Variants in BCHE observed in about 807,000 individuals in gnomAD.
BCHE encodes the protein butyrylcholinesterase, also known as cholinesterase.
A neutral mutation model predicts 51.3 loss-of-function variants in BCHE; 48 were observed. That is an observed-to-expected ratio of 0.94 (90% CI 0.74 to 1.19). The LOEUF (loss-of-function observed/expected upper bound fraction) is 1.19. BCHE is among the 50% of genes most tolerant of loss of function. BCHE has a pLI of 0.00. For synonymous variants in BCHE, 251 were observed against 238.0 expected (o/e 1.05, Z -0.50); for missense variants, 847 against 708.2 (o/e 1.20, Z -2.23).
At chr3:165,824,760 A>G (rs888869881) in intron 2 of BCHE, among the ~76,000 whole-genome samples, 1 of 152,014 alleles carries the variant, frequency 6.6e-6, no homozygotes. Flanking sequence ...AAATACATAA[A>G]ACTGTTAGGG....
intron 1 of BCHE, among the ~76,000 whole-genome samples, chr3:165,836,834 G>C (rs923251345): frequency 6.6e-6 from 1 of 151,902 alleles, no homozygotes; most frequent in African/African-American, 2.4e-5. Flanking sequence ...AAAGTTTTAG[G>C]TGACAAAATG....
intron 2 of BCHE, among the ~76,000 whole-genome samples, chr3:165,811,570 C>G (rs1209637377): frequency 6.6e-6 from 1 of 152,028 alleles, no homozygotes; most frequent in Non-Finnish European, 1.5e-5. Flanking sequence ...CCAAAAAACA[C>G]TGAACTGACA....
Position 165,837,295 on chromosome 3 carries a change from T to A in BCHE, c.-9+19A>T. The A allele has an allele frequency of 7.8e-7, 1 of 1,274,908 alleles. No individual in the cohort carries two copies. The highest frequency in any genetic ancestry group is 5.6e-5 in the East Asian group (1 of 17,952). 79.0% of individuals were successfully genotyped at this position (1,274,908 alleles called of 1,614,324 possible). On this transcript the variant is annotated intron_variant, in intron 1 of 3. Coordinates refer to ENST00000264381, the MANE Select transcript of BCHE (RefSeq NM_000055.4). Reference sequence around the variant, plus strand: ...TAACTTGGATCTCTACACGAAGGTGTAAATTCAGAGCAACTTACCCGATTC... The same window carrying A: ...TAACTTGGATCTCTACACGAAGGTGAAAATTCAGAGCAACTTACCCGATTC...
At position 165,801,260 on chromosome 3, in the gene BCHE, T is replaced by C. The variant is rs550110602; in HGVS notation, c.1518-14949A>G. 1.3e-4 allele frequency among the ~76,000 whole-genome samples: 20 copies of C among 152,340 alleles called. No homozygotes were observed. The South Asian group carries it at 3.9e-3, about 30-fold the overall frequency. ...GTCAGTCACAGGATTTTGTTTCTTC[T>C]GTCCAAGGCGGATGTGCCATAATGA... On this transcript the variant is annotated intron_variant, in intron 2 of 3. Coordinates refer to ENST00000264381, the MANE Select transcript of BCHE (RefSeq NM_000055.4).
chr3:165,826,415 T>G (rs1387757432), intron 2 of BCHE, among the ~76,000 whole-genome samples: 1 of 152,012 alleles, frequency 6.6e-6, no homozygotes. Context: ...TATGATACCA[T>G]GAATATAAAG....
chr3:165,779,626 CA>C (rs1461771369), intron 3 of BCHE, among the ~76,000 whole-genome samples: 1 of 151,978 alleles, frequency 6.6e-6, no homozygotes, highest in Non-Finnish European at 1.5e-5. Flanking sequence ...CAATAATAGA[CA>C]AGCAGAGAGC....
chr3:165,778,254 G>T (rs573324561), intron 3 of BCHE: 1 of 152,634 alleles, frequency 6.6e-6, no homozygotes, highest in Non-Finnish European at 1.5e-5. Context: ...ATAAATATAA[G>T]AGAAGTGAAT....
At chr3:165,797,182 CTCCTTCGTTCTTCCCTCCCTTCCT>C (rs1713419322) in intron 2 of BCHE, among the ~76,000 whole-genome samples, 2 of 100,784 alleles carry the variant, frequency 2.0e-5, no homozygotes, top group Non-Finnish European at 4.1e-5. Context: ...CCTTCCTTCC[CTCCTTCGTTCTTCCCTCCCTTCCT>C]TCCTTCCCTC....
intron 2 of BCHE, among the ~76,000 whole-genome samples, chr3:165,812,923 C>T (rs1714156779): frequency 6.6e-6 from 1 of 151,896 alleles, no homozygotes; most frequent in Admixed American, 6.6e-5. Flanking sequence ...TTTTTCTATA[C>T]CTCTTTCTCT....
At chr3:165,828,729 G>C (rs1714826700) in intron 2 of BCHE, among the ~76,000 whole-genome samples, 1 of 149,798 alleles carries the variant, frequency 6.7e-6, no homozygotes, top group South Asian at 2.1e-4. Context: ...AAATGTAGTG[G>C]GAGAAAAAAA....
chr3:165,780,969 C>T (rs1712675122), intron 3 of BCHE, among the ~76,000 whole-genome samples: 2 of 152,010 alleles, frequency 1.3e-5, no homozygotes, highest in African/African-American at 4.8e-5. Flanking sequence ...CAACTAGGTG[C>T]AGTGGCTCAC....
chr3:165,819,576 A>C (rs1714439177), intron 2 of BCHE, among the ~76,000 whole-genome samples: 2 of 152,172 alleles, frequency 1.3e-5, no homozygotes, highest in South Asian at 4.1e-4. Flanking sequence ...CAATGAGAAG[A>C]GTGTTAACCA....
At chr3:165,814,770 G>A (rs1714238024) in intron 2 of BCHE, among the ~76,000 whole-genome samples, 1 of 151,826 alleles carries the variant, frequency 6.6e-6, no homozygotes, top group Admixed American at 6.6e-5. Flanking sequence ...CTTGCAGTTA[G>A]GTTTACCAGA....
At chr3:165,778,705 G>A (rs1390716667) in intron 3 of BCHE, 1 of 453,658 alleles carries the variant, frequency 2.2e-6, no homozygotes, top group Admixed American at 2.4e-5. Flanking sequence ...AGCTGCTAGT[G>A]CAGTTCCTGG....
chr3:165,773,890 A>C (rs1204860169), intron 3 of BCHE, among the ~76,000 whole-genome samples: 2 of 152,072 alleles, frequency 1.3e-5, no homozygotes, highest in Admixed American at 1.3e-4. Context: ...TCTCATTTAC[A>C]TATATAGTTA....
chr3:165,792,661 C>T (rs1479383668), intron 2 of BCHE, among the ~76,000 whole-genome samples: 1 of 152,116 alleles, frequency 6.6e-6, no homozygotes, highest in African/African-American at 2.4e-5. Flanking sequence ...CACCAATTAA[C>T]TAAGAATCTC....
chr3:165,783,201 CTT>C, intron 3 of BCHE, among the ~76,000 whole-genome samples: 1 of 152,014 alleles, frequency 6.6e-6, no homozygotes, highest in East Asian at 1.9e-4. Flanking sequence ...AGTTATTAAA[CTT>C]ATCATGGAAT....
intron 2 of BCHE, among the ~76,000 whole-genome samples, chr3:165,804,670 G>T (rs1328794584): frequency 6.6e-6 from 1 of 152,126 alleles, no homozygotes; most frequent in Non-Finnish European, 1.5e-5. Flanking sequence ...TTGTAGCTGT[G>T]CAAGTAGAGA....
At chr3:165,816,229 T>G (rs1714309005) in intron 2 of BCHE, among the ~76,000 whole-genome samples, 2 of 151,960 alleles carry the variant, frequency 1.3e-5, no homozygotes, top group South Asian at 4.2e-4. Flanking sequence ...TAATTACTGA[T>G]GACCTAAGTT....
Sources: gnomAD v4.1 joint callset for allele counts (sites outside exome capture counted in the v4.1 genomes callset) on GRCh38, gnomAD v4.1.1 for gene constraint, MANE v1.5 for transcripts, NCBI Gene and HGNC (gene_info 2026-07-23, HGNC 2026-07-21) for gene names.